The following ADCK1 variants were observed in gnomAD, a reference collection of about 807,000 sequenced individuals.
The protein encoded by ADCK1 is aarF domain-containing protein kinase 1.
Under a neutral mutation model 52.3 loss-of-function variants are expected in ADCK1, and 41 were observed. The ratio of observed to expected loss-of-function variants is 0.78; its 90% confidence interval spans 0.61 to 1.02. ADCK1 has a LOEUF of 1.02. Ranked by LOEUF, ADCK1 falls within the 50% of genes least tolerant of loss-of-function variation. ADCK1 has a pLI of 0.00. For synonymous variants in ADCK1, 250 were observed against 274.6 expected, an observed-to-expected ratio of 0.91 and a Z score of 0.89; for missense variants, 658 against 679.5, an observed-to-expected ratio of 0.97 and a Z score of 0.35.
chr14:77,873,547 A>G (rs1315011389), intron 4 of ADCK1, among the ~76,000 whole-genome samples: 1 of 152,186 alleles, frequency 6.6e-6, no homozygotes, highest in Non-Finnish European at 1.5e-5. Context: ...TTGTGTTTGA[A>G]TGTGTGCACT....
chr14:77,806,256 G>A (rs1307653833), intron 1 of ADCK1, among the ~76,000 whole-genome samples: 1 of 151,884 alleles, frequency 6.6e-6, no homozygotes, highest in African/African-American at 2.4e-5. Flanking sequence ...GTGGTTTTAG[G>A]TCTCTGAGCA....
intron 8 of ADCK1, among the ~76,000 whole-genome samples, chr14:77,925,550 C>T (rs1337468134): frequency 6.6e-6 from 1 of 152,188 alleles, no homozygotes; most frequent in African/African-American, 2.4e-5. Context: ...CTTGGTTGGG[C>T]AGTTAATAGT....
At chr14:77,924,908 G>C (rs1391224688) in intron 8 of ADCK1, among the ~76,000 whole-genome samples, 1 of 152,250 alleles carries the variant, frequency 6.6e-6, no homozygotes, top group Non-Finnish European at 1.5e-5. Flanking sequence ...AGGATCCTCA[G>C]AAGTGAGCTG....
intron 3 of ADCK1, among the ~76,000 whole-genome samples, chr14:77,835,008 G>A (rs1276731961): frequency 1.1e-4 from 16 of 152,146 alleles, no homozygotes; most frequent in Non-Finnish European, 1.5e-5. Context: ...GCAGTTTTCT[G>A]ACCCGCCCTG....
chr14:77,896,072 T>C (rs922227985), intron 5 of ADCK1, among the ~76,000 whole-genome samples: 1 of 152,212 alleles, frequency 6.6e-6, no homozygotes, highest in African/African-American at 2.4e-5. Flanking sequence ...TAGCAATTAA[T>C]ATTAGTTAAT....
chr14:77,930,682 A>G (rs985618673), intron 9 of ADCK1, among the ~76,000 whole-genome samples: 1 of 152,184 alleles, frequency 6.6e-6, no homozygotes, highest in Non-Finnish European at 1.5e-5. Flanking sequence ...AATGGGGATA[A>G]TACACCGATA....
chr14:77,864,224 A>G (rs1395892025), intron 4 of ADCK1, among the ~76,000 whole-genome samples: 1 of 152,200 alleles, frequency 6.6e-6, no homozygotes. Context: ...AACGGGTAGA[A>G]TAATTCATAT....
At chr14:77,841,819 G>A (rs1324809211) in intron 3 of ADCK1, among the ~76,000 whole-genome samples, 1 of 136,840 alleles carries the variant, frequency 7.3e-6, no homozygotes, top group South Asian at 2.5e-4. Flanking sequence ...ACTCCAGCCT[G>A]AGTGACAGAG....
chr14:77,853,139 A>C (rs189078600), intron 3 of ADCK1, among the ~76,000 whole-genome samples: 6 of 150,528 alleles, frequency 4.0e-5, no homozygotes, highest in Non-Finnish European at 5.9e-5. Context: ...TTTCATCTCT[A>C]AAAGTTTGAT....
At chr14:77,809,422 C>T (rs541069114) in intron 1 of ADCK1, among the ~76,000 whole-genome samples, 35 of 152,102 alleles carry the variant, frequency 2.3e-4, no homozygotes, top group East Asian at 1.4e-3. Flanking sequence ...TACCGCCTCC[C>T]GGGTTCAAGC....
intron 5 of ADCK1, among the ~76,000 whole-genome samples, chr14:77,889,886 T>TAAAAAA (rs10683624): frequency 5.7e-5 from 7 of 123,232 alleles, no homozygotes; most frequent in South Asian, 2.7e-4. Flanking sequence ...TATATAGAGT[T>TAAAAAA]AAAAAAAAAA....
intron 9 of ADCK1, among the ~76,000 whole-genome samples, chr14:77,930,111 G>A (rs891718370): frequency 2.6e-5 from 3 of 115,486 alleles, no homozygotes; most frequent in African/African-American, 1.2e-4. Context: ...CTGAGAGGCT[G>A]TTGCCAGGCC....
intron 5 of ADCK1, 49 bp from the exon 6 acceptor site, chr14:77,899,051 C>G (rs982950964): frequency 6.2e-7 from 1 of 1,608,704 alleles, no homozygotes; most frequent in Non-Finnish European, 8.5e-7. Context: ...GGGAATGTCC[C>G]TTGGTATATG....
intron 7 of ADCK1, chr14:77,914,393 T>C: frequency 1.0e-6 from 1 of 985,324 alleles, no homozygotes; most frequent in Non-Finnish European, 1.2e-6. Context: ...AAGCCCTTGC[T>C]ATGCTTCTTC....
At chr14:77,907,444 C>A (rs539531858) in intron 6 of ADCK1, among the ~76,000 whole-genome samples, 4 of 152,208 alleles carry the variant, frequency 2.6e-5, no homozygotes, top group Non-Finnish European at 5.9e-5. Context: ...GGCCTGGTGG[C>A]GGGATGGGGA....
At chr14:77,850,677 G>A (rs1356365743) in intron 3 of ADCK1, among the ~76,000 whole-genome samples, 1 of 121,270 alleles carries the variant, frequency 8.2e-6, no homozygotes, top group African/African-American at 3.3e-5. Context: ...TTGAGATGGT[G>A]TCTTGCTCTG....
chr14:77,832,193 G>A (rs542242353), intron 3 of ADCK1, among the ~76,000 whole-genome samples: 1 of 152,148 alleles, frequency 6.6e-6, no homozygotes, highest in African/African-American at 2.4e-5. Context: ...GGCCAGGCTG[G>A]TCTCGAACTC....
At chr14:77,897,448 C>T (rs950562192) in intron 5 of ADCK1, among the ~76,000 whole-genome samples, 10 of 152,200 alleles carry the variant, frequency 6.6e-5, no homozygotes, top group African/African-American at 2.4e-4. Flanking sequence ...TGTGTCTCTG[C>T]TCATGGCAGG....
At chr14:77,867,152 C>G (rs1475225904) in intron 4 of ADCK1, among the ~76,000 whole-genome samples, 2 of 152,226 alleles carry the variant, frequency 1.3e-5, no homozygotes, top group Non-Finnish European at 2.9e-5. Context: ...TCAGCTCACC[C>G]TCTAGCAGCC....
Sources: gnomAD v4.1 joint callset for allele counts (sites outside exome capture counted in the v4.1 genomes callset) on GRCh38, gnomAD v4.1.1 for gene constraint, MANE v1.5 for transcripts, NCBI Gene and HGNC (gene_info 2026-07-23, HGNC 2026-07-21) for gene names.